Variants in ADD1 observed in about 807,000 individuals in gnomAD.
ADD1 encodes adducin 1.
In ADD1, 24 loss-of-function variants were observed where a neutral mutation model predicts 80.5. That is an observed-to-expected ratio of 0.30 (90% CI 0.22 to 0.42). ADD1 has a LOEUF of 0.42. Ranked by LOEUF, ADD1 falls within the 10% of genes least tolerant of loss-of-function variation. The probability of loss-of-function intolerance (pLI) is 1.00; values close to 1 mark genes in which losing one functional copy is unlikely to be tolerated. For synonymous variants in ADD1, 373 were observed against 393.8 expected (o/e 0.95, Z 0.63); for missense variants, 948 against 1,019.0 (o/e 0.93, Z 0.95).
intron 1 of ADD1, among the ~76,000 whole-genome samples, chr4:2,863,861 G>C (rs1431510973): frequency 6.6e-6 from 1 of 152,064 alleles, no homozygotes; most frequent in Non-Finnish European, 1.5e-5. Context: ...GAGCCACTGT[G>C]CCTGGCTACT....
chr4:2,858,995 A>G (rs16843481), intron 1 of ADD1, among the ~76,000 whole-genome samples: 2,636 of 152,292 alleles, frequency 0.017, 55 homozygotes, highest in African/African-American at 0.045. Context: ...AAGCCTATGA[A>G]GTGATCGTAG....
At chr4:2,884,777 G>A in intron 4 of ADD1, 111 bp downstream of exon 4, 2 of 1,264,570 alleles carry the variant, frequency 1.6e-6, no homozygotes, top group East Asian at 2.5e-5. Context: ...AGTAAGTCTT[G>A]GAATACCTCT....
intron 1 of ADD1, among the ~76,000 whole-genome samples, chr4:2,867,056 GCAAGA>G (rs1300106851): frequency 6.6e-6 from 1 of 152,144 alleles, no homozygotes; most frequent in African/African-American, 2.4e-5. Flanking sequence ...GGATGACAGA[GCAAGA>G]CCCAGTCTGA....
At chr4:2,877,333 T>A (rs187079792) in intron 2 of ADD1, among the ~76,000 whole-genome samples, 7 of 152,256 alleles carry the variant, frequency 4.6e-5, no homozygotes, top group African/African-American at 1.7e-4. Flanking sequence ...TTGTCTCTTA[T>A]GTGCTGTTTA....
chr4:2,923,449 C>T (rs551581519), intron 14 of ADD1, among the ~76,000 whole-genome samples: 8 of 152,346 alleles, frequency 5.3e-5, no homozygotes, highest in South Asian at 4.1e-4. Flanking sequence ...TGCTTTGGCT[C>T]GCCCTCCGTG....
chr4:2,914,404 C>T (rs374419662), intron 13 of ADD1, among the ~76,000 whole-genome samples: 5 of 152,350 alleles, frequency 3.3e-5, no homozygotes, highest in East Asian at 3.9e-4. Flanking sequence ...ACAAACTAAC[C>T]ACAGTCAAAA....
chr4:2,879,601 A>G (rs527995259), intron 2 of ADD1, among the ~76,000 whole-genome samples: 26 of 151,912 alleles, frequency 1.7e-4, no homozygotes, highest in Middle Eastern at 3.4e-3. Context: ...GATGTTCAGG[A>G]GATGCCATCT....
chr4:2,871,190 C>G (rs531959389), intron 1 of ADD1, among the ~76,000 whole-genome samples: 268 of 152,088 alleles, frequency 1.8e-3, no homozygotes, highest in Non-Finnish European at 1.9e-3. Context: ...CCAGGATGGT[C>G]TCGATCTCCT....
At chr4:2,903,814 T>C (rs1000185678) in intron 9 of ADD1, among the ~76,000 whole-genome samples, 1 of 152,334 alleles carries the variant, frequency 6.6e-6, no homozygotes, top group East Asian at 1.9e-4. Flanking sequence ...ACACCGTCCA[T>C]GCCCTTAGAG....
chr4:2,845,233 C>T (rs531553307), intron 1 of ADD1, among the ~76,000 whole-genome samples: 33 of 152,214 alleles, frequency 2.2e-4, no homozygotes, highest in Non-Finnish European at 4.4e-4. Flanking sequence ...CCACCACGCC[C>T]AGCTAATTTT....
Position 2,899,629 on chromosome 4 carries a change from G to A in ADD1, c.1161+194G>A, listed in dbSNP as rs140379981. ...AAAATGTAGAGGTGAAGGATTCCTGGTATTGTTTTATTTTTTAAAGATAAC... is the reference window on the plus strand; with the variant it reads ...AAAATGTAGAGGTGAAGGATTCCTGATATTGTTTTATTTTTTAAAGATAAC... On this transcript the variant is annotated intron_variant, in intron 9 of 15. Coordinates refer to ENST00000683351, the MANE Select transcript of ADD1 (RefSeq NM_001354761.2). 1.4e-3 allele frequency: 935 copies of A among 653,824 alleles called. 5 individuals are homozygous for A. The African/African-American group carries it at 0.016, about 11-fold the overall frequency. The allele number at this position is 653,824 out of a possible 1,614,324, so 40.5% of individuals were successfully genotyped here. A position where few individuals can be genotyped will look rare whatever the true frequency, so the allele number is the denominator to read the frequency against.
rs535546326 is a variant in ADD1, at chr4:2,885,811, C to T, written c.510+1145C>T. Among the ~76,000 whole-genome samples, 403 of 152,054 alleles carry T rather than the reference C, an allele frequency of 2.7e-3. 2 individuals carry two copies. The highest frequency in any genetic ancestry group is 6.7e-3 in the African/African-American group (276 of 41,396). On this transcript the variant is annotated intron_variant, in intron 4 of 15. Transcript: ENST00000683351. ...ATTTTTAGTAGAGACGGGGTTTCACCGTGTTAGCCAGGATGGTCTCGATCT... is the reference window on the plus strand; with the variant it reads ...ATTTTTAGTAGAGACGGGGTTTCACTGTGTTAGCCAGGATGGTCTCGATCT...
At chr4:2,899,696 G>A (rs979069817) in intron 9 of ADD1, 130 of 476,990 alleles carry the variant, frequency 2.7e-4, no homozygotes, top group African/African-American at 2.3e-3. Context: ...CAGAGAATGC[G>A]TAGGCAGCTG....
chr4:2,924,569 G>A (rs1049192385), intron 14 of ADD1, among the ~76,000 whole-genome samples: 2 of 152,214 alleles, frequency 1.3e-5, no homozygotes, highest in East Asian at 1.9e-4. Context: ...GCTCTCCTGG[G>A]CCGTCGTCAT....
intron 1 of ADD1, among the ~76,000 whole-genome samples, chr4:2,852,177 T>C (rs1247407351): frequency 3.6e-5 from 2 of 55,516 alleles, no homozygotes; most frequent in African/African-American, 1.5e-4. Context: ...TTTCTTTCTT[T>C]CTTTCTTTCT....
chr4:2,890,298 G>A (rs1266733930), intron 4 of ADD1, among the ~76,000 whole-genome samples: 3 of 152,066 alleles, frequency 2.0e-5, no homozygotes, highest in Non-Finnish European at 4.4e-5. Context: ...TTCACAGAAG[G>A]GGAAATAAGA....
chr4:2,877,435 A>T (rs1731537720), intron 2 of ADD1, among the ~76,000 whole-genome samples: 1 of 152,132 alleles, frequency 6.6e-6, no homozygotes, highest in African/African-American at 2.4e-5. Flanking sequence ...TACATAAAGT[A>T]CACAAATCTT....
At chr4:2,899,582 A>T in intron 9 of ADD1, 147 bp downstream of exon 9, 1 of 840,364 alleles carries the variant, frequency 1.2e-6, no homozygotes, top group Non-Finnish European at 2.0e-6. Context: ...AGGGTTGTTT[A>T]ACTTCTGAGG....
At position 2,875,960 on chromosome 4, in the gene ADD1, G is replaced by A. The variant is rs140936293; in HGVS notation, c.45G>A (p.Pro15=). The A allele has an allele frequency of 3.3e-5, 53 of 1,613,290 alleles. No individual in the cohort carries two copies. Among genetic ancestry groups the A allele is most frequent in the Non-Finnish European group, 3.7e-5 (44 of 1,179,706 alleles). ...SRAAVVTSPP[P]TTAPHKERYF... The stretch of plus-strand genomic sequence containing the variant: ...CTGCGGTGGTGACCTCACCACCCCC[G>A]ACCACAGCCCCTCACAAGGAGAGGT... The change falls in exon 2 of 16, where the codon CCG becomes CCA. Residue 15 remains proline, a synonymous_variant. Coordinates refer to ENST00000683351, the MANE Select transcript of ADD1 (RefSeq NM_001354761.2).
Sources: allele counts gnomAD v4.1 joint callset (sites outside exome capture counted in the v4.1 genomes callset), GRCh38; gene constraint gnomAD v4.1.1; transcripts MANE v1.5; gene names NCBI Gene and HGNC (gene_info 2026-07-23, HGNC 2026-07-21).